The following KRT79 variants were observed in gnomAD, a reference collection of about 807,000 sequenced individuals.
KRT79 encodes keratin 79, also known as keratin, type II cytoskeletal 79.
Under a neutral mutation model 49.0 loss-of-function variants are expected in KRT79, and 51 were observed. The ratio of observed to expected loss-of-function variants is 1.04; its 90% CI spans 0.83 to 1.31. The LOEUF (loss-of-function observed/expected upper bound fraction) is 1.31. KRT79 is among the 40% of genes most tolerant of loss of function. The pLI is 0.00. For missense variants in KRT79, 728 were observed against 688.0 expected, an observed-to-expected ratio of 1.06 and a Z score of -0.65; for synonymous variants, 312 against 286.6, an observed-to-expected ratio of 1.09 and a Z score of -0.90.
intron 1 of KRT79, among the ~76,000 whole-genome samples, chr12:52,833,079 G>A (rs1057132533): frequency 1.3e-5 from 2 of 152,192 alleles, no homozygotes; most frequent in African/African-American, 4.8e-5. Flanking sequence ...CCCAGCACAA[G>A]TGTTGCTCCC....
intron 4 of KRT79, among the ~76,000 whole-genome samples, chr12:52,825,058 G>A (rs1042359227): frequency 1.3e-5 from 2 of 152,214 alleles, no homozygotes; most frequent in Non-Finnish European, 2.9e-5. Context: ...TGTGAATGGC[G>A]GGTTAGGTGA....
intron 2 of KRT79, 147 bp downstream of exon 2, chr12:52,831,259 T>G: frequency 1.4e-6 from 1 of 693,336 alleles, no homozygotes; most frequent in South Asian, 1.8e-5. Flanking sequence ...TGGCAGCAGG[T>G]GCTGGACCTG....
At chr12:52,823,390 A>C (rs1290777543) in intron 6 of KRT79, among the ~76,000 whole-genome samples, 154 bp from the exon 7 acceptor site, 1 of 152,216 alleles carries the variant, frequency 6.6e-6, no homozygotes, top group Non-Finnish European at 1.5e-5. Context: ...AGATGCTATT[A>C]CACAAGCAGG....
chr12:52,832,455 C>T (rs960464670), intron 1 of KRT79, among the ~76,000 whole-genome samples: 1 of 151,444 alleles, frequency 6.6e-6, no homozygotes, highest in African/African-American at 2.4e-5. Context: ...GTGGGTTTAA[C>T]AGGACCCCCG....
chr12:52,830,621 C>T (rs1940239928), intron 2 of KRT79, among the ~76,000 whole-genome samples: 1 of 152,224 alleles, frequency 6.6e-6, no homozygotes. Flanking sequence ...TTTACCATCA[C>T]TTTCAACAAC....
chr12:52,831,590 T>C lies in KRT79; in HGVS notation c.514A>G (p.Thr172Ala), dbSNP rs750670157. Residue 172 changes from threonine to alanine, a missense_variant, in exon 2 of 9, where the codon ACC becomes GCC. By Grantham distance (58) the Thr-to-Ala change is moderately conservative. Transcript: ENST00000330553. The part of the protein sequence containing the change: ...FLEQQNKVLE[T>A]KWALLQEQGQ... Reference sequence around the variant, plus strand: ...TGCTCCTGCAGCAGTGCCCACTTGGTCTCCAGCACCTTATTCTGTTGCTCC... The same window carrying C: ...TGCTCCTGCAGCAGTGCCCACTTGGCCTCCAGCACCTTATTCTGTTGCTCC... The C allele has an allele frequency of 2.4e-5, 39 of 1,614,040 alleles. No homozygotes were observed. Among genetic ancestry groups the C allele is most frequent in the Non-Finnish European group, 3.2e-5 (38 of 1,180,040 alleles).
chr12:52,825,648 T>C (rs866586365), intron 4 of KRT79, among the ~76,000 whole-genome samples: 1 of 152,214 alleles, frequency 6.6e-6, no homozygotes, highest in East Asian at 1.9e-4. Context: ...TCCATACTGA[T>C]GTAGATGTAG....
chr12:52,833,313 T>C (rs1940283122), intron 1 of KRT79, among the ~76,000 whole-genome samples: 1 of 152,168 alleles, frequency 6.6e-6, no homozygotes, highest in African/African-American at 2.4e-5. Flanking sequence ...TTAAGCCTCC[T>C]CCAAGCCTGA....
At chr12:52,827,679 T>A (rs940351468) in intron 4 of KRT79, among the ~76,000 whole-genome samples, 1 of 152,190 alleles carries the variant, frequency 6.6e-6, no homozygotes, top group African/African-American at 2.4e-5. Flanking sequence ...CAGAGGCTGC[T>A]AGATGAACTC....
At chr12:52,830,570 C>T in intron 2 of KRT79, 1 of 431,010 alleles carries the variant, frequency 2.3e-6, no homozygotes. Context: ...CCTTAGGAGG[C>T]TTTAGAGGGA....
chr12:52,823,498 C>A (rs1940131150), intron 6 of KRT79, among the ~76,000 whole-genome samples: 1 of 152,234 alleles, frequency 6.6e-6, no homozygotes, highest in African/African-American at 2.4e-5. Context: ...AAATAAATAA[C>A]ACAGCCTTAT....
Position 52,830,042 on chromosome 12 carries a change from A to C in KRT79, c.836T>G (p.Leu279Arg). The C allele has an allele frequency of 6.2e-7, 1 of 1,614,206 alleles. No homozygotes were observed. The highest frequency in any genetic ancestry group is 1.3e-5 in the African/African-American group (1 of 75,060). Residue 279 changes from leucine to arginine, a missense_variant, in exon 4 of 9, where the codon CTG (leucine) becomes CGG (arginine). Leu to Arg is a moderately radical substitution (Grantham distance 102). Transcript: ENST00000330553. ...VGTLTQEIDFLQQLYEMELSQ... is the reference protein window; with the variant it reads ...VGTLTQEIDFRQQLYEMELSQ... ...CCTCACCATTTCATAGAGTTGCTGCAGGAAGTCAATCTCCTGGGTCAAGGT... is the reference window on the plus strand; with the variant it reads ...CCTCACCATTTCATAGAGTTGCTGCCGGAAGTCAATCTCCTGGGTCAAGGT...
At chr12:52,830,192 G>A (rs773118475) in intron 3 of KRT79, 40 bp downstream of exon 3, 2 of 1,613,276 alleles carry the variant, frequency 1.2e-6, no homozygotes, top group South Asian at 2.2e-5. Context: ...CCAGTACCCT[G>A]GCAGCCAAAG....
chr12:52,830,238 G>C lies in KRT79; in HGVS notation c.753C>G (p.Leu251=). The stretch of plus-strand genomic sequence containing the variant: ...CCCACTCCACTCGGCTCACCTTCTT[G>C]AGCACCACAAACTCGTTCTCTGCAG... The part of the protein sequence containing the change: ...HTAAENEFVV[L]KKDVDAAYMG... Residue 251 remains leucine (L), a synonymous_variant, in exon 3 of 9, where the codon CTC becomes CTG. Coordinates refer to ENST00000330553, the MANE Select transcript of KRT79 (RefSeq NM_175834.3). 6.2e-7 allele frequency: 1 copy of C among 1,614,176 alleles called. No individual in the cohort carries two copies. Among genetic ancestry groups the C allele is most frequent in the Non-Finnish European group, 8.5e-7 (1 of 1,180,026 alleles).
At position 52,822,089 on chromosome 12, in the gene KRT79, A is replaced by G; in HGVS notation, c.1403-12T>C. 2 of 1,613,596 alleles carry G rather than the reference A, an allele frequency of 1.2e-6. No individual in the cohort carries two copies. The highest frequency in any genetic ancestry group is 1.7e-6 in the Non-Finnish European group (2 of 1,179,906). On this transcript the variant is annotated splice_polypyrimidine_tract_variant and intron_variant, in intron 8 of 8. Transcript: ENST00000330553. ...GTTGCCAGTCACAGCTGCAAAGCAA[A>G]GGGTCTGGATTAGTCAGGGCGGCCA...
chr12:52,831,330 T>C, intron 2 of KRT79, 76 bp downstream of exon 2: 1 of 1,408,712 alleles, frequency 7.1e-7, no homozygotes. Flanking sequence ...ACCCTGGGAA[T>C]GGGGTGGCCC....
intron 7 of KRT79, 27 bp downstream of exon 7, chr12:52,822,989 T>TAAAG (rs1284376896): frequency 1.2e-6 from 2 of 1,606,312 alleles, no homozygotes; most frequent in Non-Finnish European, 1.7e-6. Flanking sequence ...GACCCAGCTT[T>TAAAG]CTGGGTCGGG....
rs1434953643 is a variant in KRT79, at chr12:52,822,963, C to T, written c.1367+53G>A. The T allele has an allele frequency of 5.1e-6, 8 of 1,562,292 alleles. No individual in the cohort carries two copies. In the Admixed American group the frequency reaches 1.3e-4, roughly 26 times the overall value. ...CCCCGGAGCAGACTCCCTGGGCTCT[C>T]CCCCAGGGCAGGCCCGACCCAGCTT... is the stretch of plus-strand genomic sequence containing the variant. On this transcript the variant is annotated intron_variant, in intron 7 of 8. Coordinates refer to ENST00000330553, the MANE Select transcript of KRT79 (RefSeq NM_175834.3).
At chr12:52,831,237 C>T (rs1168350783) in intron 2 of KRT79, among the ~76,000 whole-genome samples, 169 bp downstream of exon 2, 1 of 152,180 alleles carries the variant, frequency 6.6e-6, no homozygotes, top group Non-Finnish European at 1.5e-5. Context: ...ACAAACCTGC[C>T]AATTCTCCAG....
Sources: allele counts gnomAD v4.1 joint callset (sites outside exome capture counted in the v4.1 genomes callset), GRCh38; gene constraint gnomAD v4.1.1; transcripts MANE v1.5; gene names NCBI Gene and HGNC (gene_info 2026-07-23, HGNC 2026-07-21).